Variants in GLRA1 observed in about 807,000 individuals in gnomAD.
GLRA1 encodes glycine receptor subunit alpha-1.
Under a neutral mutation model 48.3 loss-of-function variants are expected in GLRA1, and 37 were observed. That is an observed-to-expected ratio of 0.77 (90% confidence interval 0.59 to 1.01). The LOEUF (loss-of-function observed/expected upper bound fraction) is 1.01. Ranked by LOEUF, GLRA1 falls within the 50% of genes least tolerant of loss-of-function variation. GLRA1 has a pLI of 0.00. For synonymous variants in GLRA1, 196 were observed against 210.7 expected (o/e 0.93, Z 0.60); for missense variants, 427 against 571.0 (o/e 0.75, Z 2.57).
chr5:151,854,544 AGCAT>A (rs1355287342), intron 6 of GLRA1, among the ~76,000 whole-genome samples: 6 of 152,176 alleles, frequency 3.9e-5, no homozygotes, highest in African/African-American at 1.4e-4. Context: ...TTCCAACAAA[AGCAT>A]GGGAAATAGA....
intron 3 of GLRA1, among the ~76,000 whole-genome samples, chr5:151,882,838 A>T (rs1232459938): frequency 6.6e-6 from 1 of 152,182 alleles, no homozygotes. Flanking sequence ...ATCATAGTAC[A>T]TAAGTCTTCA....
chr5:151,889,443 T>G (rs1402345397), intron 2 of GLRA1, among the ~76,000 whole-genome samples: 1 of 152,200 alleles, frequency 6.6e-6, no homozygotes, highest in Non-Finnish European at 1.5e-5. Flanking sequence ...AGTAAGTGAC[T>G]CATTTGGGGT....
chr5:151,839,360 T>A (rs1763655849), intron 7 of GLRA1, among the ~76,000 whole-genome samples: 2 of 152,252 alleles, frequency 1.3e-5, no homozygotes, highest in African/African-American at 4.8e-5. Flanking sequence ...ATATAAAAAA[T>A]GCAGTTTTTG....
At chr5:151,917,567 C>A (rs1395006534) in intron 1 of GLRA1, among the ~76,000 whole-genome samples, 1 of 152,036 alleles carries the variant, frequency 6.6e-6, no homozygotes, top group African/African-American at 2.4e-5. Flanking sequence ...TATCAATCAC[C>A]CCCAAAAGTT....
intron 2 of GLRA1, among the ~76,000 whole-genome samples, chr5:151,887,063 C>T (rs912770277): frequency 6.6e-5 from 10 of 152,320 alleles, no homozygotes; most frequent in African/African-American, 2.2e-4. Context: ...CATCAGCCGC[C>T]ATATGGTTGA....
intron 6 of GLRA1, 56 bp downstream of exon 6, chr5:151,854,984 T>C (rs762301104): frequency 7.0e-4 from 1,094 of 1,560,194 alleles, no homozygotes; most frequent in Non-Finnish European, 8.5e-4. Context: ...GTGTCTGAAA[T>C]GACCTCTGGT....
At chr5:151,915,585 A>T (rs1233681456) in intron 1 of GLRA1, among the ~76,000 whole-genome samples, 2 of 152,192 alleles carry the variant, frequency 1.3e-5, no homozygotes, top group African/African-American at 4.8e-5. Flanking sequence ...ATGCTTCAAC[A>T]GGTAAGGCTT....
chr5:151,888,665 G>A (rs375839628), intron 2 of GLRA1, among the ~76,000 whole-genome samples: 1 of 152,138 alleles, frequency 6.6e-6, no homozygotes, highest in South Asian at 2.1e-4. Flanking sequence ...CCCACACTAA[G>A]TAAAACCAAA....
chr5:151,850,570 C>A, intron 7 of GLRA1: 1 of 1,382,904 alleles, frequency 7.2e-7, no homozygotes, highest in Non-Finnish European at 1.0e-6. Flanking sequence ...AAGCCCAACA[C>A]CTAGCTGGAT....
At chr5:151,864,611 T>G (rs532594154) in intron 3 of GLRA1, among the ~76,000 whole-genome samples, 2 of 152,326 alleles carry the variant, frequency 1.3e-5, no homozygotes, top group African/African-American at 4.8e-5. Flanking sequence ...CTCAGGCAAA[T>G]TCTGCCTTCT....
intron 7 of GLRA1, among the ~76,000 whole-genome samples, chr5:151,849,456 C>CTTTCCTTTCCT (rs577318905): frequency 1.6e-3 from 46 of 29,536 alleles, no homozygotes; most frequent in Admixed American, 2.6e-3. Context: ...CTTTCCTTTC[C>CTTTCCTTTCCT]TTCCTTCCTT....
At chr5:151,829,575 A>C (rs906146800) in intron 7 of GLRA1, among the ~76,000 whole-genome samples, 1 of 152,278 alleles carries the variant, frequency 6.6e-6, no homozygotes, top group Non-Finnish European at 1.5e-5. Context: ...TAATAAGAAC[A>C]GCAAGCTTTG....
intron 1 of GLRA1, among the ~76,000 whole-genome samples, chr5:151,897,578 A>G (rs563464470): frequency 6.6e-6 from 1 of 152,288 alleles, no homozygotes; most frequent in East Asian, 1.9e-4. Context: ...TCTATTCCTT[A>G]CTGAGAAGGC....
intron 1 of GLRA1, among the ~76,000 whole-genome samples, chr5:151,916,014 T>C (rs1421636274): frequency 6.6e-6 from 1 of 152,156 alleles, no homozygotes; most frequent in Non-Finnish European, 1.5e-5. Flanking sequence ...GGGGGAGGGT[T>C]ATTAGACTGA....
intron 8 of GLRA1, among the ~76,000 whole-genome samples, chr5:151,827,381 C>T (rs997013366): frequency 6.6e-6 from 1 of 152,052 alleles, no homozygotes; most frequent in African/African-American, 2.4e-5. Context: ...GGTAAACTGC[C>T]AGAAGTTAAT....
chr5:151,822,972 G>C lies in GLRA1; in HGVS notation c.1060-9C>G. On this transcript the variant is annotated splice_polypyrimidine_tract_variant and intron_variant, in intron 8 of 8. Coordinates refer to ENST00000274576, the MANE Select transcript of GLRA1 (RefSeq NM_000171.4). Reference sequence around the variant, plus strand: ...TCTCCAGCTTCATCCTCCTGGAATAGATTCAACATGGGGCTCTACTTAAAA... The same window carrying C: ...TCTCCAGCTTCATCCTCCTGGAATACATTCAACATGGGGCTCTACTTAAAA... 1 of 1,593,258 alleles carries C rather than the reference G, an allele frequency of 6.3e-7. No individual in the cohort carries two copies. Among genetic ancestry groups the C allele is most frequent in the East Asian group, 2.2e-5 (1 of 44,638 alleles).
chr5:151,865,844 C>T (rs541922675), intron 3 of GLRA1, among the ~76,000 whole-genome samples: 88 of 152,250 alleles, frequency 5.8e-4, no homozygotes, highest in Admixed American at 1.0e-3. Flanking sequence ...CCCTAGCAGC[C>T]GCTACCCAAA....
intron 1 of GLRA1, among the ~76,000 whole-genome samples, chr5:151,907,378 G>A (rs1160344301): frequency 6.6e-6 from 1 of 152,196 alleles, no homozygotes; most frequent in Non-Finnish European, 1.5e-5. Flanking sequence ...TCCTAGGTGA[G>A]TATTTTACTT....
chr5:151,909,571 G>T (rs1278093995), intron 1 of GLRA1, among the ~76,000 whole-genome samples: 1 of 152,134 alleles, frequency 6.6e-6, no homozygotes, highest in Non-Finnish European at 1.5e-5. Flanking sequence ...CCCAATTTAT[G>T]TACTGTTATT....
Sources: allele counts gnomAD v4.1 joint callset (sites outside exome capture counted in the v4.1 genomes callset), GRCh38; gene constraint gnomAD v4.1.1; transcripts MANE v1.5; gene names NCBI Gene and HGNC (gene_info 2026-07-23, HGNC 2026-07-21).